The following LY6S variants were observed in gnomAD, a reference collection of about 807,000 sequenced individuals.
The protein encoded by LY6S is lymphocyte antigen 6 family member S.
At chr8:143,043,970 C>T in the LY6S span, among the ~76,000 whole-genome samples, 1 of 152,236 alleles carries the variant, frequency 6.6e-6, no homozygotes, top group African/African-American at 2.4e-5. Context: ...CCACCGTGCC[C>T]GGCCAGGGCA....
the LY6S span, among the ~76,000 whole-genome samples, chr8:143,074,710 A>G: frequency 0.19 from 29,322 of 152,136 alleles, 3,731 homozygotes; most frequent in East Asian, 0.34. Flanking sequence ...TTATCTGTGC[A>G]TCTGCTTCTA....
At chr8:143,048,303 G>C in the LY6S span, among the ~76,000 whole-genome samples, 5 of 152,050 alleles carry the variant, frequency 3.3e-5, no homozygotes, top group East Asian at 9.6e-4. Context: ...CAACCACATC[G>C]GTTGCTCTCA....
chr8:143,043,380 G>A, the LY6S span: 8 of 535,040 alleles, frequency 1.5e-5, no homozygotes, highest in East Asian at 7.0e-5. Flanking sequence ...GCCCTGCCCC[G>A]GGGCCTCAGG....
At chr8:143,072,698 T>C in the LY6S span, among the ~76,000 whole-genome samples, 1 of 114,768 alleles carries the variant, frequency 8.7e-6, no homozygotes, top group African/African-American at 3.4e-5. Context: ...GGTCCCTGTT[T>C]GAGGAGACAG....
At chr8:143,070,474 TA>T in the LY6S span, among the ~76,000 whole-genome samples, 1,153 of 49,682 alleles carry the variant, frequency 0.023, 48 homozygotes, top group South Asian at 0.061. Flanking sequence ...AATATATATA[TA>T]AATATATATA....
the LY6S span, chr8:143,056,910 T>C: frequency 6.2e-4 from 96 of 155,872 alleles, no homozygotes; most frequent in East Asian, 0.011. Context: ...ATCTGGCACA[T>C]CCTTAGTATC....
At chr8:143,073,937 C>G in the LY6S span, among the ~76,000 whole-genome samples, 12 of 149,528 alleles carry the variant, frequency 8.0e-5, no homozygotes, top group Non-Finnish European at 1.5e-4. Flanking sequence ...AGACAGCCGT[C>G]GTCCCCGGGG....
chr8:143,064,152 C>T, the LY6S span, among the ~76,000 whole-genome samples: 2 of 152,168 alleles, frequency 1.3e-5, no homozygotes, highest in Non-Finnish European at 2.9e-5. Flanking sequence ...GTCGAAGGGG[C>T]CATTGTTAGC....
the LY6S span, among the ~76,000 whole-genome samples, chr8:143,070,443 ATT>A: frequency 3.4e-4 from 24 of 71,572 alleles, 2 homozygotes; most frequent in South Asian, 4.2e-4. Flanking sequence ...TTATATATAT[ATT>A]GTATATATAT....
At chr8:143,075,490 G>A in the LY6S span, among the ~76,000 whole-genome samples, 1 of 152,168 alleles carries the variant, frequency 6.6e-6, no homozygotes, top group African/African-American at 2.4e-5. This position sits in a 1 kb window ranked among gnomAD's most constrained non-coding sequence, Gnocchi z 4.1. Context: ...GATCATCTGA[G>A]GTCAGGGGTT....
chr8:143,056,188 A>G, the LY6S span, among the ~76,000 whole-genome samples: 1 of 146,470 alleles, frequency 6.8e-6, no homozygotes, highest in Non-Finnish European at 1.5e-5. Flanking sequence ...TTATCAGGGT[A>G]GATCATACAT....
chr8:143,070,438 TATATATTG>T, the LY6S span, among the ~76,000 whole-genome samples: 1 of 80,644 alleles, frequency 1.2e-5, no homozygotes, highest in African/African-American at 8.3e-5. Context: ...ATATATTATA[TATATATTG>T]TATATATATA....
chr8:143,044,715 G>T, the LY6S span: 2 of 1,367,616 alleles, frequency 1.5e-6, no homozygotes, highest in Non-Finnish European at 9.8e-7. Context: ...GGGAGACACA[G>T]ACCCCATCCA....
At chr8:143,060,645 G>T in the LY6S span, among the ~76,000 whole-genome samples, 1 of 152,110 alleles carries the variant, frequency 6.6e-6, no homozygotes, top group African/African-American at 2.4e-5. Context: ...ATAACGGCAC[G>T]GCCAGGCATT....
the LY6S span, among the ~76,000 whole-genome samples, chr8:143,056,328 C>T: frequency 6.0e-5 from 9 of 151,092 alleles, no homozygotes; most frequent in Non-Finnish European, 1.2e-4. Context: ...TGTCCAAGGA[C>T]TTATGATGTC....
the LY6S span, among the ~76,000 whole-genome samples, chr8:143,051,071 G>A: frequency 6.6e-6 from 1 of 152,198 alleles, no homozygotes; most frequent in Admixed American, 6.5e-5. Flanking sequence ...GCTTTTAGAG[G>A]CTGTGCAGGA....
the LY6S span, among the ~76,000 whole-genome samples, chr8:143,051,840 C>A: frequency 6.6e-6 from 1 of 151,360 alleles, no homozygotes; most frequent in Non-Finnish European, 1.5e-5. Flanking sequence ...GGCATGGTGG[C>A]ACCCACCTGT....
the LY6S span, among the ~76,000 whole-genome samples, chr8:143,062,964 A>G: frequency 6.6e-6 from 1 of 152,218 alleles, no homozygotes. Context: ...TTCCATTGTT[A>G]TGACAGCTTG....
the LY6S span, among the ~76,000 whole-genome samples, chr8:143,062,831 T>A: frequency 6.6e-6 from 1 of 152,184 alleles, no homozygotes; most frequent in Non-Finnish European, 1.5e-5. Flanking sequence ...ATGATGATGA[T>A]GATGTCAAAA....
Sources: allele counts gnomAD v4.1 joint callset (sites outside exome capture counted in the v4.1 genomes callset), GRCh38; gene constraint gnomAD v4.1.1; non-coding constraint Gnocchi (gnomAD v3.1); transcripts MANE v1.5; gene names NCBI Gene and HGNC (gene_info 2026-07-23, HGNC 2026-07-21).